The following MECOM variants were observed in gnomAD, a reference collection of about 807,000 sequenced individuals.
MECOM encodes histone-lysine N-methyltransferase MECOM.
A neutral mutation model predicts 116.3 loss-of-function variants in MECOM; 13 were observed. The ratio of observed to expected loss-of-function variants is 0.11; its 90% confidence interval spans 0.07 to 0.18. The LOEUF is 0.18. Among genes scored for constraint, MECOM ranks in the 10% least tolerant of loss-of-function variants. The probability of loss-of-function intolerance (pLI) is 1.00; values close to 1 mark genes in which losing one functional copy is unlikely to be tolerated. For missense variants in MECOM, 1,299 were observed against 1,509.0 expected (o/e 0.86, Z 2.31); for synonymous variants, 528 against 535.2 (o/e 0.99, Z 0.19).
intron 3 of MECOM, among the ~76,000 whole-genome samples, chr3:169,137,087 C>T (rs1736580404): frequency 6.6e-6 from 1 of 152,098 alleles, no homozygotes; most frequent in African/African-American, 2.4e-5. Context: ...CCTCTTCCAG[C>T]TCCCAACATT....
At chr3:169,294,222 T>C (rs895454075) in intron 2 of MECOM, among the ~76,000 whole-genome samples, 1 of 152,180 alleles carries the variant, frequency 6.6e-6, no homozygotes, top group South Asian at 2.1e-4. Context: ...TGTAGAATAG[T>C]TATATCACTA....
intron 2 of MECOM, among the ~76,000 whole-genome samples, chr3:169,346,583 A>G (rs1181069265): frequency 1.3e-5 from 2 of 151,984 alleles, no homozygotes; most frequent in East Asian, 3.9e-4. Flanking sequence ...TGGGTAAGTC[A>G]TTTTATGTCA....
In MECOM at chr3:169,571,620, C is replaced by T. The variant is rs140287443; in HGVS notation, c.37+91716G>A. Among the ~76,000 whole-genome samples, 165 of 152,288 alleles carry T rather than the reference C, an allele frequency of 1.1e-3. 6 individuals are homozygous for T. The East Asian group carries it at 0.029, about 26-fold the overall frequency. On this transcript the variant is annotated intron_variant, in intron 1 of 16. Coordinates refer to ENST00000651503, the MANE Select transcript of MECOM (RefSeq NM_004991.4). The stretch of plus-strand genomic sequence containing the variant: ...TACAAGGCTACAGTAACCAAAACAG[C>T]ATGGTACTGGTACCAAAACAGATAT...
At chr3:169,302,731 G>T (rs1716963188) in intron 2 of MECOM, among the ~76,000 whole-genome samples, 1 of 151,974 alleles carries the variant, frequency 6.6e-6, no homozygotes, top group Admixed American at 6.6e-5. Context: ...GGGTGTGGTG[G>T]CAGGCACCTG....
At chr3:169,291,180 T>G (rs1326735575) in intron 2 of MECOM, among the ~76,000 whole-genome samples, 1 of 152,172 alleles carries the variant, frequency 6.6e-6, no homozygotes, top group Non-Finnish European at 1.5e-5. Context: ...TCCTCCTTAT[T>G]GGAAAAATCC....
At chr3:169,344,402 T>C (rs1245810076) in intron 2 of MECOM, among the ~76,000 whole-genome samples, 2 of 152,162 alleles carry the variant, frequency 1.3e-5, no homozygotes, top group African/African-American at 4.8e-5. Context: ...TTTCTCACAT[T>C]TCTAAAAAGA....
At chr3:169,381,549 A>T (rs1215540663) in intron 1 of MECOM, 25 bp from the exon 2 acceptor site, 2 of 1,511,310 alleles carry the variant, frequency 1.3e-6, no homozygotes, top group Non-Finnish European at 1.8e-6. Flanking sequence ...GAACTTCATG[A>T]ATTCCTTCTG....
intron 2 of MECOM, among the ~76,000 whole-genome samples, chr3:169,233,395 G>GTATAT (rs1753657091): frequency 6.6e-6 from 1 of 152,082 alleles, no homozygotes; most frequent in Admixed American, 6.6e-5. Flanking sequence ...CAGTAAAATG[G>GTATAT]GGGTGAAAGA....
Position 169,165,123 on chromosome 3 carries a change from T to A in MECOM, c.376-21291A>T, listed in dbSNP as rs78803616. Among the ~76,000 whole-genome samples, 1,255 of 152,294 alleles carry A rather than the reference T, an allele frequency of 8.2e-3. 8 individuals are homozygous for A. Among genetic ancestry groups the A allele is most frequent in the South Asian group, 0.021 (102 of 4,828 alleles). ...AACGCTTAGTGAAAGTTCTTAAATA[T>A]TTTGGTGAAGACACATATAGATACA... On this transcript the variant is annotated intron_variant, in intron 2 of 16. Coordinates refer to ENST00000651503, the MANE Select transcript of MECOM (RefSeq NM_004991.4).
At chr3:169,168,622 AAAG>A (rs964353170) in intron 2 of MECOM, among the ~76,000 whole-genome samples, 9 of 152,038 alleles carry the variant, frequency 5.9e-5, no homozygotes, top group Non-Finnish European at 1.3e-4. Flanking sequence ...TTTTTTTAAA[AAAG>A]AAAAACTGTC....
intron 2 of MECOM, among the ~76,000 whole-genome samples, chr3:169,236,137 G>A (rs144206845): frequency 6.7e-4 from 102 of 152,268 alleles, no homozygotes; most frequent in African/African-American, 2.4e-3. Flanking sequence ...GCAAATGTAA[G>A]TGTCCTGAGC....
chr3:169,298,194 A>G (rs1365746840), intron 2 of MECOM, among the ~76,000 whole-genome samples: 1 of 152,176 alleles, frequency 6.6e-6, no homozygotes, highest in East Asian at 1.9e-4. Flanking sequence ...GATTAGCTTT[A>G]TGGTATCTGT....
At chr3:169,272,923 G>A (rs1210582934) in intron 2 of MECOM, among the ~76,000 whole-genome samples, 1 of 152,198 alleles carries the variant, frequency 6.6e-6, no homozygotes, top group East Asian at 1.9e-4. Context: ...AGGGGAGGCA[G>A]GGAGGACTGC....
intron 1 of MECOM, among the ~76,000 whole-genome samples, chr3:169,508,808 C>A (rs1755611942): frequency 6.6e-6 from 1 of 152,118 alleles, no homozygotes; most frequent in Non-Finnish European, 1.5e-5. Context: ...TACATGGCTT[C>A]TTTTATTTCT....
At chr3:169,647,464 T>C (rs1036757969) in intron 1 of MECOM, among the ~76,000 whole-genome samples, 1 of 152,130 alleles carries the variant, frequency 6.6e-6, no homozygotes, top group African/African-American at 2.4e-5. Context: ...AGCTAGGTAG[T>C]GATAGAACCA....
chr3:169,636,079 G>A (rs941696421), intron 1 of MECOM, among the ~76,000 whole-genome samples: 1 of 152,130 alleles, frequency 6.6e-6, no homozygotes, highest in Admixed American at 6.5e-5. Flanking sequence ...AAAAGCTTGA[G>A]AGCATTCTGT....
intron 2 of MECOM, among the ~76,000 whole-genome samples, chr3:169,214,761 T>G (rs1312028332): frequency 6.7e-6 from 1 of 150,070 alleles, no homozygotes; most frequent in Non-Finnish European, 1.5e-5. Flanking sequence ...ACCATTAACA[T>G]AAATAAGTCT....
At chr3:169,104,867 G>A (rs76220234) in intron 10 of MECOM, among the ~76,000 whole-genome samples, 3,415 of 152,178 alleles carry the variant, frequency 0.022, 47 homozygotes, top group South Asian at 0.067. Flanking sequence ...AAACTGTTTC[G>A]ATTTGGGAAA....
At chr3:169,145,662 G>A (rs1349848208) in intron 2 of MECOM, 1 of 224,892 alleles carries the variant, frequency 4.4e-6, no homozygotes, top group Non-Finnish European at 8.9e-6. Flanking sequence ...GAGAGACGTG[G>A]AAAACTTGTT....
Sources: allele counts gnomAD v4.1 joint callset (sites outside exome capture counted in the v4.1 genomes callset), GRCh38; gene constraint gnomAD v4.1.1; transcripts MANE v1.5; gene names NCBI Gene and HGNC (gene_info 2026-07-23, HGNC 2026-07-21).